TRMT44: variants seen among roughly 807,000 people sequenced by gnomAD.
The protein encoded by TRMT44 is probable tRNA (uracil-O(2)-)-methyltransferase.
TRMT44 carries 78 observed loss-of-function variants against 77.3 expected under a neutral mutation model. The observed-to-expected ratio is 1.01, with a 90% CI of 0.84 to 1.22. TRMT44 has a LOEUF of 1.22. Among genes scored for constraint, TRMT44 ranks in the 50% most tolerant of loss-of-function variants. TRMT44 has a pLI of 0.00. For synonymous variants in TRMT44, 391 were observed against 383.3 expected (o/e 1.02, Z -0.23); for missense variants, 1,090 against 964.4 (o/e 1.13, Z -1.73).
chr4:8,489,080 G>C (rs1333447381), intron 2 of TRMT44, among the ~76,000 whole-genome samples: 1 of 152,270 alleles, frequency 6.6e-6, no homozygotes, highest in Non-Finnish European at 1.5e-5. Flanking sequence ...GAAAGGAACT[G>C]TGTCATCCGG....
chr4:8,506,233 C>T, the TRMT44 span, among the ~76,000 whole-genome samples: 1 of 152,226 alleles, frequency 6.6e-6, no homozygotes, highest in Non-Finnish European at 1.5e-5. Context: ...GAGACCAGGG[C>T]ACGTGGGTGT....
At chr4:8,462,411 C>A (rs1726217274) in intron 6 of TRMT44, among the ~76,000 whole-genome samples, 1 of 140,372 alleles carries the variant, frequency 7.1e-6, no homozygotes, top group Non-Finnish European at 1.5e-5. Context: ...TACTCCGTCT[C>A]AAAGAAAAAC....
downstream of TRMT44, among the ~76,000 whole-genome samples, chr4:8,481,036 T>C (rs1727596485): frequency 6.6e-6 from 1 of 152,240 alleles, no homozygotes; most frequent in African/African-American, 2.4e-5. Context: ...ATTAAAACTC[T>C]AGCACCTTTT....
intron 2 of TRMT44, among the ~76,000 whole-genome samples, chr4:8,489,322 A>T (rs1333800073): frequency 6.6e-6 from 1 of 152,222 alleles, no homozygotes; most frequent in East Asian, 1.9e-4. Context: ...TGAAACACCT[A>T]TGCAAAAATT....
chr4:8,462,042 A>G (rs2109139566), intron 6 of TRMT44, among the ~76,000 whole-genome samples: 1 of 152,364 alleles, frequency 6.6e-6, no homozygotes, highest in Non-Finnish European at 1.5e-5. Flanking sequence ...GGTGGTGATC[A>G]CAAATTGTCT....
intron 9 of TRMT44, 34 bp from the exon 10 acceptor site, chr4:8,471,050 G>GT: frequency 6.7e-7 from 1 of 1,484,340 alleles, no homozygotes; most frequent in Non-Finnish European, 9.2e-7. Context: ...TTTTGCTGTT[G>GT]TTTTGGGGAA....
chr4:8,474,650 C>T (rs1221285039), intron 10 of TRMT44, among the ~76,000 whole-genome samples: 2 of 152,236 alleles, frequency 1.3e-5, no homozygotes, highest in Non-Finnish European at 2.9e-5. Context: ...CTTTGGAAGT[C>T]GGTGAGCCAG....
chr4:8,467,793 G>A (rs1726694506), intron 8 of TRMT44, 121 bp from the exon 9 acceptor site: 1 of 1,151,146 alleles, frequency 8.7e-7, no homozygotes, highest in African/African-American at 1.6e-5. Flanking sequence ...TTTTAAATCA[G>A]GATTTTTTCA....
At chr4:8,449,939 C>CTTTTCTTTTA in intron 3 of TRMT44, 51 bp downstream of exon 3, 31 of 383,080 alleles carry the variant, frequency 8.1e-5, no homozygotes, top group Non-Finnish European at 9.7e-5. Flanking sequence ...ATTTTCTTTT[C>CTTTTCTTTTA]TTTTCTTTTC....
chr4:8,456,106 G>A (rs967183995), intron 6 of TRMT44, among the ~76,000 whole-genome samples: 7 of 152,172 alleles, frequency 4.6e-5, no homozygotes, highest in African/African-American at 7.2e-5. Context: ...CAAGAGAAAC[G>A]CAAATGTAAA....
chr4:8,500,489 C>A, the TRMT44 span, among the ~76,000 whole-genome samples: 2 of 151,990 alleles, frequency 1.3e-5, no homozygotes, highest in Admixed American at 1.3e-4. Context: ...GAGCGAGACT[C>A]CCTCTGGAAA....
intron 1 of TRMT44, among the ~76,000 whole-genome samples, chr4:8,443,485 CTGTA>C (rs763339497): frequency 6.6e-6 from 1 of 152,182 alleles, no homozygotes; most frequent in African/African-American, 2.4e-5. Flanking sequence ...CAATTACAAG[CTGTA>C]TGGCTGTGGG....
chr4:8,463,949 C>A, intron 6 of TRMT44, 36 bp from the exon 7 acceptor site: 1 of 1,564,186 alleles, frequency 6.4e-7, no homozygotes, highest in South Asian at 1.1e-5. Flanking sequence ...TACAATGATT[C>A]ACAAAACATT....
chr4:8,492,628 A>G (rs924366869), intron 2 of TRMT44, among the ~76,000 whole-genome samples: 5 of 152,196 alleles, frequency 3.3e-5, no homozygotes, highest in African/African-American at 1.2e-4. Flanking sequence ...CTATTCCTAA[A>G]AAAGATAGCT....
the TRMT44 span, among the ~76,000 whole-genome samples, chr4:8,514,577 C>T: frequency 6.6e-6 from 1 of 151,992 alleles, no homozygotes; most frequent in South Asian, 2.1e-4. Context: ...GCGTGCACTA[C>T]CTTTTACTCA....
At chr4:8,496,777 A>ATT (rs11376419), downstream of TRMT44, among the ~76,000 whole-genome samples, 2 of 148,412 alleles carry the variant, frequency 1.3e-5, no homozygotes, top group African/African-American at 2.5e-5. Context: ...GAGTTCAGTG[A>ATT]TTTTTTTTTT....
chr4:8,476,004 T>G lies in TRMT44; in HGVS notation c.*3T>G, dbSNP rs537857986. ...CCCCGAGGAAGAAGATTTCATGAGC[T>G]GCATCCTTGCCAGCCGAGGCCTGGT... On this transcript the variant is annotated 3_prime_UTR_variant, in exon 11 of 11. Transcript: ENST00000389737. 6.2e-7 allele frequency: 1 copy of G among 1,613,044 alleles called. No homozygotes were observed. The highest frequency in any genetic ancestry group is 1.7e-5 in the Admixed American group (1 of 59,988).
chr4:8,483,749 T>C (rs1229889345), intron 2 of TRMT44, among the ~76,000 whole-genome samples: 1 of 152,192 alleles, frequency 6.6e-6, no homozygotes, highest in Admixed American at 6.5e-5. Context: ...GCTATTGGAC[T>C]GTATAGAGGT....
At chr4:8,493,951 A>G (rs1309002376), downstream of TRMT44, among the ~76,000 whole-genome samples, 1 of 149,122 alleles carries the variant, frequency 6.7e-6, no homozygotes, top group African/African-American at 2.5e-5. Context: ...TACCAGCAAC[A>G]TTAGCTGTGG....
Sources: allele counts gnomAD v4.1 joint callset (sites outside exome capture counted in the v4.1 genomes callset), GRCh38; gene constraint gnomAD v4.1.1; transcripts MANE v1.5; gene names NCBI Gene and HGNC (gene_info 2026-07-23, HGNC 2026-07-21).